Variants in ZMYM2 observed in about 807,000 individuals in gnomAD.
The protein encoded by ZMYM2 is zinc finger MYM-type containing 2.
Under a neutral mutation model 162.8 loss-of-function variants are expected in ZMYM2, and 56 were observed. The observed-to-expected ratio is 0.34, with a 90% CI of 0.28 to 0.43. The LOEUF (loss-of-function observed/expected upper bound fraction) is 0.43. Ranked by LOEUF, ZMYM2 falls within the 20% of genes least tolerant of loss-of-function variation. The probability of loss-of-function intolerance (pLI) is 1.00; values close to 1 mark genes in which losing one functional copy is unlikely to be tolerated. For synonymous variants in ZMYM2, 510 were observed against 541.6 expected, an observed-to-expected ratio of 0.94 and a Z score of 0.81; for missense variants, 1,275 against 1,621.8, an observed-to-expected ratio of 0.79 and a Z score of 3.67.
intron 3 of ZMYM2, among the ~76,000 whole-genome samples, chr13:19,998,764 TG>T (rs1950191952): frequency 6.6e-6 from 1 of 152,198 alleles, no homozygotes; most frequent in African/African-American, 2.4e-5. Context: ...GTTGATGGAA[TG>T]GGTCAGAACC....
the ZMYM2 span, among the ~76,000 whole-genome samples, chr13:19,938,163 A>T: frequency 6.6e-6 from 1 of 152,100 alleles, no homozygotes. Context: ...TTGGGTATAT[A>T]CCCAGTAATG....
the ZMYM2 span, among the ~76,000 whole-genome samples, chr13:19,920,298 G>A: frequency 6.6e-6 from 1 of 151,976 alleles, no homozygotes; most frequent in African/African-American, 2.4e-5. Context: ...TTTTTAAACA[G>A]CCTCTCTAAA....
At chr13:19,891,183 A>T in the ZMYM2 span, among the ~76,000 whole-genome samples, 1 of 151,928 alleles carries the variant, frequency 6.6e-6, no homozygotes, top group South Asian at 2.1e-4. Context: ...TAATAGGACT[A>T]GACTAGGACT....
At chr13:19,998,742 C>T (rs765739509) in intron 3 of ZMYM2, among the ~76,000 whole-genome samples, 7 of 152,114 alleles carry the variant, frequency 4.6e-5, no homozygotes, top group Non-Finnish European at 8.8e-5. Flanking sequence ...AATAGCCCCT[C>T]GAAACCATTA....
intron 24 of ZMYM2, among the ~76,000 whole-genome samples, chr13:20,084,992 A>G (rs1025776178): frequency 7.2e-5 from 11 of 152,370 alleles, no homozygotes; most frequent in African/African-American, 2.6e-4. Context: ...TTGCATATAC[A>G]TTATAAGATG....
chr13:20,001,235 T>C (rs528958541), intron 3 of ZMYM2, among the ~76,000 whole-genome samples: 1 of 151,924 alleles, frequency 6.6e-6, no homozygotes, highest in East Asian at 1.9e-4. Flanking sequence ...TTACTAAAAA[T>C]ATAAAAATCA....
the ZMYM2 span, among the ~76,000 whole-genome samples, chr13:19,891,877 C>A: frequency 6.6e-6 from 1 of 151,914 alleles, no homozygotes; most frequent in Non-Finnish European, 1.5e-5. Context: ...GGCTTATTAC[C>A]ATATTTATTT....
At chr13:20,001,787 G>T (rs1950411406) in intron 3 of ZMYM2, among the ~76,000 whole-genome samples, 2 of 152,154 alleles carry the variant, frequency 1.3e-5, no homozygotes, top group Non-Finnish European at 2.9e-5. Context: ...ATTGAGGCAG[G>T]GCCCTCCACC....
At chr13:20,032,296 T>A (rs574717441) in intron 10 of ZMYM2, among the ~76,000 whole-genome samples, 16 of 152,290 alleles carry the variant, frequency 1.1e-4, no homozygotes, top group African/African-American at 3.8e-4. Context: ...CGCTGATGAT[T>A]GACTTTTATT....
chr13:19,897,144 T>C, the ZMYM2 span, among the ~76,000 whole-genome samples: 1 of 150,630 alleles, frequency 6.6e-6, no homozygotes, highest in Admixed American at 6.6e-5. Context: ...TTGCTAGGGA[T>C]TGGGGATAGG....
At chr13:20,010,218 C>T (rs1951061686) in intron 6 of ZMYM2, among the ~76,000 whole-genome samples, 1 of 152,030 alleles carries the variant, frequency 6.6e-6, no homozygotes, top group Non-Finnish European at 1.5e-5. Context: ...ATTTTTGAGA[C>T]AGAGTCTCGC....
At chr13:19,965,828 C>T (rs1286995951) in intron 2 of ZMYM2, among the ~76,000 whole-genome samples, 4 of 133,512 alleles carry the variant, frequency 3.0e-5, no homozygotes, top group Non-Finnish European at 6.1e-5. Flanking sequence ...GACCAGAGTG[C>T]AATGGCATGA....
intron 2 of ZMYM2, among the ~76,000 whole-genome samples, chr13:19,991,640 T>TTTTC (rs397945778): frequency 3.3e-5 from 5 of 150,002 alleles, no homozygotes; most frequent in African/African-American, 1.2e-4. Context: ...TTTTTTTTTT[T>TTTTC]CCCATTTTGA....
chr13:19,875,260 G>T, the ZMYM2 span, among the ~76,000 whole-genome samples: 6 of 151,570 alleles, frequency 4.0e-5, no homozygotes, highest in Non-Finnish European at 8.8e-5. Flanking sequence ...CGCAAACCTT[G>T]TTATGACATC....
At chr13:19,883,913 C>T in the ZMYM2 span, among the ~76,000 whole-genome samples, 2 of 152,202 alleles carry the variant, frequency 1.3e-5, no homozygotes, top group Non-Finnish European at 2.9e-5. Flanking sequence ...CCCACCCCCA[C>T]ATCTGGCTAA....
intron 2 of ZMYM2, among the ~76,000 whole-genome samples, chr13:19,985,992 G>A (rs1162562857): frequency 6.6e-6 from 1 of 152,038 alleles, no homozygotes; most frequent in Non-Finnish European, 1.5e-5. Context: ...TCGAGACCAG[G>A]TCAGGGCAAC....
chr13:20,027,465 ATGT>A, intron 9 of ZMYM2, 147 bp downstream of exon 9: 1 of 580,786 alleles, frequency 1.7e-6, no homozygotes, highest in East Asian at 3.1e-5. Context: ...GTCACAGAAT[ATGT>A]GGCTGTACCA....
intron 9 of ZMYM2, among the ~76,000 whole-genome samples, chr13:20,028,785 C>A (rs1354375536): frequency 1.3e-5 from 2 of 151,598 alleles, no homozygotes; most frequent in African/African-American, 4.8e-5. Flanking sequence ...AATGACTGTA[C>A]ATGTCCATAC....
intron 9 of ZMYM2, among the ~76,000 whole-genome samples, chr13:20,030,260 T>A (rs963827637): frequency 6.6e-6 from 1 of 150,618 alleles, no homozygotes; most frequent in African/African-American, 2.4e-5. Flanking sequence ...AGATGGAGTC[T>A]CGCTCTGTCA....
Sources: gnomAD v4.1 joint callset for allele counts (sites outside exome capture counted in the v4.1 genomes callset) on GRCh38, gnomAD v4.1.1 for gene constraint, MANE v1.5 for transcripts, NCBI Gene and HGNC (gene_info 2026-07-23, HGNC 2026-07-21) for gene names.